Variants in RAB18 observed in about 807,000 individuals in gnomAD.
RAB18 encodes the protein RAB18, member RAS oncogene family.
Under a neutral mutation model 28.5 loss-of-function variants are expected in RAB18, and 10 were observed. That is an observed-to-expected ratio of 0.35 (90% confidence interval 0.22 to 0.60). RAB18 has a LOEUF of 0.60. RAB18 is among the 20% of genes least tolerant of loss of function. The pLI is 0.78. For missense variants in RAB18, 188 were observed against 244.2 expected (o/e 0.77, Z 1.53); for synonymous variants, 93 against 86.9 (o/e 1.07, Z -0.39).
chr10:27,504,387 A>C lies in RAB18; in HGVS notation c.18A>C (p.Leu6=), dbSNP rs1837746004. 1 of 1,576,000 alleles carries C rather than the reference A, an allele frequency of 6.3e-7. No homozygotes were observed. Among genetic ancestry groups the C allele is most frequent in the Admixed American group, 1.9e-5 (1 of 52,862 alleles). MDEDV[L]TTLKILIIGE... The stretch of plus-strand genomic sequence containing the variant: ...GGGTCAGGATGGACGAGGACGTGCT[A>C]ACCACCCTGAAGATCCTCATCATCG... Residue 6 remains leucine (L), a synonymous_variant, in exon 1 of 7, where the codon CTA becomes CTC. Coordinates refer to ENST00000356940, the MANE Select transcript of RAB18 (RefSeq NM_021252.5).
chr10:27,529,131 T>G (rs1363392894), intron 3 of RAB18, among the ~76,000 whole-genome samples: 1 of 152,020 alleles, frequency 6.6e-6, no homozygotes, highest in Admixed American at 6.6e-5. Flanking sequence ...GTTGAATATA[T>G]GTTTGTGTTC....
At chr10:27,510,046 A>T in intron 2 of RAB18, 116 bp downstream of exon 2, 5 of 797,360 alleles carry the variant, frequency 6.3e-6, no homozygotes, top group Non-Finnish European at 2.2e-6. Flanking sequence ...TGTCTGTTGA[A>T]ATCTTATTTG....
chr10:27,519,548 GGAA>G (rs1324847472), intron 2 of RAB18, among the ~76,000 whole-genome samples: 1 of 151,918 alleles, frequency 6.6e-6, no homozygotes, highest in Non-Finnish European at 1.5e-5. Context: ...ATGAATAAAA[GGAA>G]GATGAAAAAT....
chr10:27,513,033 T>TATATATATATA (rs1491224383), intron 2 of RAB18, among the ~76,000 whole-genome samples: 1 of 130,016 alleles, frequency 7.7e-6, no homozygotes, highest in African/African-American at 3.3e-5. Context: ...TATATATATA[T>TATATATATATA]TTTTTTTTTT....
At chr10:27,537,067 G>A (rs80005590) in intron 6 of RAB18, among the ~76,000 whole-genome samples, 216 of 152,292 alleles carry the variant, frequency 1.4e-3, no homozygotes, top group African/African-American at 4.5e-3. Context: ...TTGGTCCTTC[G>A]GTGAATGAGA....
chr10:27,537,820 T>A (rs1007657060), intron 6 of RAB18, 56 bp from the exon 7 acceptor site: 1 of 1,472,160 alleles, frequency 6.8e-7, no homozygotes, highest in African/African-American at 1.4e-5. Flanking sequence ...CAGAAAAACA[T>A]GAGAATATGG....
intron 3 of RAB18, among the ~76,000 whole-genome samples, chr10:27,528,969 A>T (rs907852919): frequency 3.9e-5 from 6 of 152,008 alleles, no homozygotes; most frequent in Non-Finnish European, 5.9e-5. Flanking sequence ...TGATCATTTT[A>T]AAAAATAAGT....
chr10:27,507,575 A>G (rs986072408), intron 1 of RAB18, among the ~76,000 whole-genome samples: 1 of 137,190 alleles, frequency 7.3e-6, no homozygotes, highest in African/African-American at 2.7e-5. Flanking sequence ...TGAATTTCAT[A>G]TGTAAATTTA....
chr10:27,533,554 TAA>T (rs5784015), intron 4 of RAB18, among the ~76,000 whole-genome samples, 179 bp from the exon 5 acceptor site: 2 of 148,508 alleles, frequency 1.3e-5, no homozygotes, highest in African/African-American at 4.9e-5. Context: ...GTGTATGCTT[TAA>T]AAAAAAAACA....
At chr10:27,530,624 A>C (rs1021566393) in intron 3 of RAB18, among the ~76,000 whole-genome samples, 1 of 151,930 alleles carries the variant, frequency 6.6e-6, no homozygotes, top group East Asian at 1.9e-4. Flanking sequence ...TTTTTTATTG[A>C]GTATGAATCA....
At chr10:27,508,018 TAAAAA>T (rs1013067334) in intron 1 of RAB18, among the ~76,000 whole-genome samples, 8 of 135,870 alleles carry the variant, frequency 5.9e-5, no homozygotes, top group Admixed American at 4.5e-4. Context: ...CCCTCTCTCT[TAAAAA>T]AAAAAAAAAA....
At chr10:27,535,258 G>C (rs1028671645) in intron 6 of RAB18, among the ~76,000 whole-genome samples, 1 of 152,116 alleles carries the variant, frequency 6.6e-6, no homozygotes, top group African/African-American at 2.4e-5. Context: ...ATGAGATTTT[G>C]TGCTTTTTTT....
chr10:27,509,165 C>T (rs1186127037), intron 1 of RAB18, among the ~76,000 whole-genome samples: 2 of 152,140 alleles, frequency 1.3e-5, no homozygotes, highest in Non-Finnish European at 1.5e-5. Flanking sequence ...TTGCCATAAC[C>T]ATGGCGGTTG....
chr10:27,510,133 A>G, intron 2 of RAB18: 3 of 597,470 alleles, frequency 5.0e-6, no homozygotes, highest in East Asian at 2.9e-5. Flanking sequence ...TAACTTCCTT[A>G]TCTGTTGTCT....
intron 1 of RAB18, among the ~76,000 whole-genome samples, chr10:27,508,968 G>T (rs1390533760): frequency 6.6e-6 from 1 of 152,138 alleles, no homozygotes; most frequent in East Asian, 1.9e-4. Flanking sequence ...TTAAAATCAA[G>T]GGCTTTAACA....
At chr10:27,526,128 T>G (rs573721255) in intron 2 of RAB18, among the ~76,000 whole-genome samples, 66 of 152,174 alleles carry the variant, frequency 4.3e-4, no homozygotes, top group Non-Finnish European at 7.6e-4. Context: ...ATGAAACTCT[T>G]TTCTTTACAT....
At chr10:27,526,670 TTA>T (rs1447347165) in intron 2 of RAB18, among the ~76,000 whole-genome samples, 156 bp from the exon 3 acceptor site, 1 of 152,214 alleles carries the variant, frequency 6.6e-6, no homozygotes, top group Non-Finnish European at 1.5e-5. Flanking sequence ...ATCCTGGATT[TTA>T]ATGACACTTT....
intron 3 of RAB18, among the ~76,000 whole-genome samples, chr10:27,529,564 C>G (rs1312622513): frequency 4.0e-5 from 6 of 151,894 alleles, no homozygotes; most frequent in African/African-American, 9.7e-5. Flanking sequence ...CTTTCACTCC[C>G]TACATCTATT....
chr10:27,532,146 C>T (rs925365961), intron 3 of RAB18, among the ~76,000 whole-genome samples: 2 of 151,730 alleles, frequency 1.3e-5, no homozygotes, highest in Admixed American at 1.3e-4. Flanking sequence ...AAATTCCTGT[C>T]ATTACCTTAG....
Sources: allele counts gnomAD v4.1 joint callset (sites outside exome capture counted in the v4.1 genomes callset), GRCh38; gene constraint gnomAD v4.1.1; transcripts MANE v1.5; gene names NCBI Gene and HGNC (gene_info 2026-07-23, HGNC 2026-07-21).